Variants in CLSTN2 observed in about 807,000 individuals in gnomAD.
CLSTN2 encodes calsyntenin-2.
In CLSTN2, 48 loss-of-function variants were observed where a neutral mutation model predicts 101.2. The ratio of observed to expected loss-of-function variants is 0.47; its 90% CI spans 0.38 to 0.60. The LOEUF (loss-of-function observed/expected upper bound fraction) is 0.60. Ranked by LOEUF, CLSTN2 falls within the 20% of genes least tolerant of loss-of-function variation. The pLI is 0.00. For missense variants in CLSTN2, 1,160 were observed against 1,238.2 expected, an observed-to-expected ratio of 0.94 and a Z score of 0.95; for synonymous variants, 481 against 463.6, an observed-to-expected ratio of 1.04 and a Z score of -0.48.
intron 2 of CLSTN2, among the ~76,000 whole-genome samples, chr3:140,206,213 G>A (rs1211280449): frequency 6.6e-6 from 1 of 152,194 alleles, no homozygotes; most frequent in Non-Finnish European, 1.5e-5. Flanking sequence ...GGAGTCAAGG[G>A]AGTTAAGAGA....
chr3:140,000,475 A>T (rs1237492610), intron 1 of CLSTN2, among the ~76,000 whole-genome samples: 1 of 152,264 alleles, frequency 6.6e-6, no homozygotes, highest in Non-Finnish European at 1.5e-5. Flanking sequence ...TACAATTGTG[A>T]TAATATAATG....
chr3:140,345,621 T>G (rs2087539377), intron 2 of CLSTN2, among the ~76,000 whole-genome samples: 1 of 149,478 alleles, frequency 6.7e-6, no homozygotes, highest in Non-Finnish European at 1.5e-5. Context: ...TTTTTTTTTT[T>G]TGGTACAGGG....
At chr3:140,232,037 G>A (rs958670606) in intron 2 of CLSTN2, among the ~76,000 whole-genome samples, 8 of 152,182 alleles carry the variant, frequency 5.3e-5, no homozygotes, top group African/African-American at 1.9e-4. Flanking sequence ...AGGATTCAAC[G>A]AGGAAAAGTA....
At chr3:140,425,687 G>A (rs900260380) in intron 5 of CLSTN2, among the ~76,000 whole-genome samples, 8 of 152,218 alleles carry the variant, frequency 5.3e-5, no homozygotes, top group Non-Finnish European at 1.0e-4. Flanking sequence ...TTAGCTTACA[G>A]CGAGGGGAGG....
chr3:140,052,775 G>A (rs76811512), intron 1 of CLSTN2, among the ~76,000 whole-genome samples: 2,690 of 152,294 alleles, frequency 0.018, 75 homozygotes, highest in African/African-American at 0.061. Context: ...CATGGGCTCT[G>A]GAGCCCAACA....
intron 1 of CLSTN2, among the ~76,000 whole-genome samples, chr3:139,961,623 C>T (rs1935512974): frequency 6.6e-6 from 1 of 152,154 alleles, no homozygotes; most frequent in African/African-American, 2.4e-5. Context: ...TCTACATTTT[C>T]ACAGGGCAAG....
intron 1 of CLSTN2, among the ~76,000 whole-genome samples, chr3:140,025,861 G>A (rs1033150928): frequency 6.6e-6 from 1 of 152,240 alleles, no homozygotes; most frequent in East Asian, 1.9e-4. Context: ...CAGCTCACTG[G>A]GGCCATGTAA....
intron 6 of CLSTN2, among the ~76,000 whole-genome samples, chr3:140,458,202 AC>A (rs1481038429): frequency 6.6e-6 from 1 of 151,322 alleles, no homozygotes; most frequent in African/African-American, 2.4e-5. Flanking sequence ...TGACTTTGGA[AC>A]CCAAACCCTA....
intron 2 of CLSTN2, among the ~76,000 whole-genome samples, chr3:140,315,492 A>C (rs898460977): frequency 7.9e-5 from 12 of 152,238 alleles, no homozygotes; most frequent in Non-Finnish European, 1.0e-4. Flanking sequence ...TTAGTAGGCT[A>C]ATTATGAAAA....
intron 1 of CLSTN2, among the ~76,000 whole-genome samples, chr3:140,043,047 G>T (rs1372542014): frequency 6.6e-6 from 1 of 152,184 alleles, no homozygotes; most frequent in East Asian, 1.9e-4. Context: ...CCAGTAATGG[G>T]ATGGCTGGGT....
intron 12 of CLSTN2, among the ~76,000 whole-genome samples, chr3:140,559,605 G>A (rs1935870023): frequency 6.6e-6 from 1 of 151,962 alleles, no homozygotes; most frequent in South Asian, 2.1e-4. Context: ...AGGAACAAGG[G>A]AGGGAGGGAA....
chr3:140,451,563 A>G (rs1021023263), intron 6 of CLSTN2, among the ~76,000 whole-genome samples: 4 of 152,180 alleles, frequency 2.6e-5, no homozygotes, highest in Admixed American at 6.5e-5. Context: ...CTGGCTTTTG[A>G]ACTGCACTGG....
chr3:139,977,800 G>C (rs1183291611), intron 1 of CLSTN2, among the ~76,000 whole-genome samples: 1 of 152,190 alleles, frequency 6.6e-6, no homozygotes, highest in Non-Finnish European at 1.5e-5. Flanking sequence ...AGGTGCTTCT[G>C]TATACTGGCC....
chr3:140,261,701 C>CGT (rs754106665), intron 2 of CLSTN2, among the ~76,000 whole-genome samples: 19 of 151,700 alleles, frequency 1.3e-4, no homozygotes, highest in Admixed American at 7.2e-4. Flanking sequence ...ACATATTGTA[C>CGT]GTGTGTGTGT....
At chr3:140,000,427 A>G (rs2006805456) in intron 1 of CLSTN2, among the ~76,000 whole-genome samples, 1 of 152,248 alleles carries the variant, frequency 6.6e-6, no homozygotes, top group Non-Finnish European at 1.5e-5. Flanking sequence ...GATTAGCTAC[A>G]GTTGAAATAA....
intron 8 of CLSTN2, among the ~76,000 whole-genome samples, chr3:140,525,210 C>A (rs1935112587): frequency 6.6e-6 from 1 of 152,056 alleles, no homozygotes; most frequent in African/African-American, 2.4e-5. Flanking sequence ...GCTAGATTAA[C>A]AAATACAGAG....
chr3:140,370,999 CAG>C (rs1165280786), intron 2 of CLSTN2, among the ~76,000 whole-genome samples: 1 of 152,162 alleles, frequency 6.6e-6, no homozygotes, highest in Non-Finnish European at 1.5e-5. Context: ...GTGATTTCTG[CAG>C]AGTTTGAGCC....
chr3:139,987,817 G>A (rs1936052419), intron 1 of CLSTN2, among the ~76,000 whole-genome samples: 1 of 152,132 alleles, frequency 6.6e-6, no homozygotes, highest in African/African-American at 2.4e-5. Context: ...TGAACCCCTG[G>A]GGAATTCAGT....
intron 4 of CLSTN2, among the ~76,000 whole-genome samples, chr3:140,412,030 T>C (rs1314787056): frequency 1.3e-5 from 2 of 152,214 alleles, no homozygotes; most frequent in Admixed American, 1.3e-4. Context: ...TTTTTGTTTT[T>C]TGAGACAGAG....
Sources: allele counts gnomAD v4.1 joint callset (sites outside exome capture counted in the v4.1 genomes callset), GRCh38; gene constraint gnomAD v4.1.1; transcripts MANE v1.5; gene names NCBI Gene and HGNC (gene_info 2026-07-23, HGNC 2026-07-21).